The following FAM204A variants were observed in gnomAD, a reference collection of about 807,000 sequenced individuals.
FAM204A encodes family with sequence similarity 204 member A.
A neutral mutation model predicts 35.4 loss-of-function variants in FAM204A; 16 were observed. The ratio of observed to expected loss-of-function variants is 0.45; its 90% CI spans 0.31 to 0.69. The LOEUF (loss-of-function observed/expected upper bound fraction) is 0.69, where lower values mean the gene tolerates loss of function less well. Among genes scored for constraint, FAM204A ranks in the 30% least tolerant of loss-of-function variants. The pLI is 0.07. For missense variants in FAM204A, 240 were observed against 265.7 expected (o/e 0.90, Z 0.67); for synonymous variants, 76 against 86.9 (o/e 0.88, Z 0.70).
rs78240944 is a variant in FAM204A, at chr10:118,333,132, T to C, written c.453+1982A>G. Among the ~76,000 whole-genome samples the C allele has an allele frequency of 9.5e-3, 1,445 of 152,282 alleles. 20 individuals carry two copies. The highest frequency in any genetic ancestry group is 0.033 in the African/African-American group (1,380 of 41,556). Reference sequence around the variant, plus strand: ...ACAGCAGTGCTGTAAACAGACATTCTTGGTTGAGCAAGTTTCAGCTTGGCA... The same window carrying C: ...ACAGCAGTGCTGTAAACAGACATTCCTGGTTGAGCAAGTTTCAGCTTGGCA... On this transcript the variant is annotated intron_variant, in intron 6 of 8. Transcript: ENST00000369183.
rs890340524 is a variant in FAM204A at position 118,305,827 on chromosome 10, G to C, written c.*5030C>G. ...TATGTAGGGAGAAATTCAAAGAAAC[G>C]CAAAGCTTCATTGTTTCACTATTCC... On this transcript the variant is annotated 3_prime_UTR_variant, in exon 9 of 9. Coordinates refer to ENST00000369183, the MANE Select transcript of FAM204A (RefSeq NM_022063.3). The C allele has an allele frequency of 6.6e-6, 1 of 152,254 alleles. No homozygotes were observed. Among genetic ancestry groups the C allele is most frequent in the South Asian group, 2.1e-4 (1 of 4,824 alleles). The allele number at this position is 152,254 out of a possible 1,614,324, so 9.4% of individuals were successfully genotyped here.
At chr10:118,340,050 T>C (rs1185350238) in intron 2 of FAM204A, among the ~76,000 whole-genome samples, 1 of 152,212 alleles carries the variant, frequency 6.6e-6, no homozygotes, top group Non-Finnish European at 1.5e-5. Context: ...CAGGAGTCTC[T>C]AAGCTAATTT....
rs1845829376 is a variant in FAM204A at position 118,303,366 on chromosome 10, C to T, written c.*7491G>A. 6.6e-6 allele frequency: 1 copy of T among 152,178 alleles called. No individual in the cohort carries two copies. Among genetic ancestry groups the T allele is most frequent in the Non-Finnish European group, 1.5e-5 (1 of 68,038 alleles). 9.4% of individuals were successfully genotyped at this position (152,178 alleles called of 1,614,324 possible). ...AATTTACAGAACAATAACAGTACTT[C>T]TAAGGCTTATATTCTCAGTCATGAT... is the stretch of plus-strand genomic sequence containing the variant. On this transcript the variant is annotated 3_prime_UTR_variant, in exon 9 of 9. Coordinates refer to ENST00000369183, the MANE Select transcript of FAM204A (RefSeq NM_022063.3).
At chr10:118,319,151 A>G (rs1195477635) in intron 7 of FAM204A, among the ~76,000 whole-genome samples, 1 of 152,034 alleles carries the variant, frequency 6.6e-6, no homozygotes, top group East Asian at 1.9e-4. Flanking sequence ...TACTTCTCAG[A>G]TGTTAATATA....
chr10:118,328,130 T>C (rs1846228013), intron 6 of FAM204A, among the ~76,000 whole-genome samples: 4 of 152,196 alleles, frequency 2.6e-5, no homozygotes, highest in Admixed American at 6.5e-5. Flanking sequence ...TGTCATGTTA[T>C]AGACATTGCC....
At position 118,335,534 on chromosome 10, in the gene FAM204A, C is replaced by T. The variant is rs752347447; in HGVS notation, c.322+20G>A. 7.5e-6 allele frequency: 12 copies of T among 1,607,558 alleles called. No homozygotes were observed. Among genetic ancestry groups the T allele is most frequent in the Middle Eastern group, 1.6e-4 (1 of 6,068 alleles). On this transcript the variant is annotated intron_variant, in intron 4 of 8. Coordinates refer to ENST00000369183, the MANE Select transcript of FAM204A (RefSeq NM_022063.3). Reference sequence around the variant, plus strand: ...AACTTAGCATTAGCACGACGAACAACCTGAGTTAAAACAAAACACCTTTTC... The same window carrying T: ...AACTTAGCATTAGCACGACGAACAATCTGAGTTAAAACAAAACACCTTTTC...
chr10:118,319,788 C>T (rs1002368324), intron 7 of FAM204A, among the ~76,000 whole-genome samples: 1 of 151,860 alleles, frequency 6.6e-6, no homozygotes, highest in African/African-American at 2.4e-5. Context: ...TGCAAATCAT[C>T]AAAAACCAAT....
In FAM204A at chr10:118,310,696, C is replaced by A; in HGVS notation, c.*161G>T. ...TTTATTCACTTCAATAGGACAAAGT[C>A]CTTAAAGAAAGACTGAAAAGAGCTG... On this transcript the variant is annotated 3_prime_UTR_variant, in exon 9 of 9. Coordinates refer to ENST00000369183, the MANE Select transcript of FAM204A (RefSeq NM_022063.3). 1.6e-6 allele frequency: 1 copy of A among 633,196 alleles called. No homozygotes were observed. The highest frequency in any genetic ancestry group is 2.7e-6 in the Non-Finnish European group (1 of 363,848). The allele number at this position is 633,196 out of a possible 1,614,324, so 39.2% of individuals were successfully genotyped here. A position where few individuals can be genotyped will look rare whatever the true frequency, so the allele number is the denominator to read the frequency against.
rs1845838516 is a variant in FAM204A, at chr10:118,304,256, T to A, written c.*6601A>T. ...AGGTTGCTACATAGAAGTGTCCATT[T>A]GACATTTCCATGGCATTCCACAGGT... On this transcript the variant is annotated 3_prime_UTR_variant, in exon 9 of 9. Transcript: ENST00000369183. 6.6e-6 allele frequency: 1 copy of A among 152,216 alleles called. No individual in the cohort carries two copies. Among genetic ancestry groups the A allele is most frequent in the Non-Finnish European group, 1.5e-5 (1 of 68,038 alleles). 9.4% of individuals were successfully genotyped at this position (152,216 alleles called of 1,614,324 possible).
At position 118,335,693 on chromosome 10, in the gene FAM204A, T is replaced by C. The variant is rs564098232; in HGVS notation, c.235-52A>G. ...AGCAAATATACTTTCCAGAAAAACA[T>C]GCATTTAAAAAATAATGAAGTAATA... On this transcript the variant is annotated intron_variant, in intron 3 of 8. Coordinates refer to ENST00000369183, the MANE Select transcript of FAM204A (RefSeq NM_022063.3). 1.3e-4 allele frequency: 170 copies of C among 1,328,674 alleles called. 2 individuals carry two copies. In the South Asian group the frequency reaches 2.1e-3, roughly 17 times the overall value. 82.3% of individuals were successfully genotyped at this position (1,328,674 alleles called of 1,614,324 possible).
intron 7 of FAM204A, among the ~76,000 whole-genome samples, chr10:118,321,804 T>C (rs1369712556): frequency 6.6e-6 from 1 of 151,548 alleles, no homozygotes; most frequent in Admixed American, 6.6e-5. Flanking sequence ...GCTAGTTCTG[T>C]ATGTTTTGAC....
rs569619388 is a variant in FAM204A at position 118,301,854 on chromosome 10, G to A, written c.*9003C>T. ...ACACAGCTTGTAAGTAGCAGAGCTG[G>A]GATTCAAATCTGGCTTGCTTCATAG... is the stretch of plus-strand genomic sequence containing the variant. On this transcript the variant is annotated 3_prime_UTR_variant, in exon 9 of 9. Transcript: ENST00000369183. 27 of 152,346 alleles carry A rather than the reference G, an allele frequency of 1.8e-4. No homozygotes were observed. The highest frequency in any genetic ancestry group is 5.8e-4 in the African/African-American group (24 of 41,562). 9.4% of individuals were successfully genotyped at this position (152,346 alleles called of 1,614,324 possible).
In FAM204A at chr10:118,311,277, T is replaced by C; in HGVS notation, c.580A>G (p.Asn194Asp). 1 of 1,609,740 alleles carries C rather than the reference T, an allele frequency of 6.2e-7. No individual in the cohort carries two copies. Among genetic ancestry groups the C allele is most frequent in the Non-Finnish European group, 8.5e-7 (1 of 1,179,166 alleles). The part of the protein sequence containing the change: ...VKIAKAVACH[N>D]FVKAKKEVEN... ...ACCTCCTTTTTGGCTTTTACAAAGTTGTGGCAGGCAACTGCTTTGGCAATT... is the reference window on the plus strand; with the variant it reads ...ACCTCCTTTTTGGCTTTTACAAAGTCGTGGCAGGCAACTGCTTTGGCAATT... The change falls in exon 8 of 9, where the codon AAC (asparagine) becomes GAC (aspartate). Residue 194 changes from asparagine to aspartate, a missense_variant. By Grantham distance (23) the Asn-to-Asp change is conservative. Coordinates refer to ENST00000369183, the MANE Select transcript of FAM204A (RefSeq NM_022063.3).
Position 118,299,952 on chromosome 10 carries a change from A to C in FAM204A, c.*10905T>G, listed in dbSNP as rs1446948609. ...TTGCTTTAATCCTTTGCTATCCCTA[A>C]ATCACAAGTAGATTGGAAGTGGGTC... is the stretch of plus-strand genomic sequence containing the variant. On this transcript the variant is annotated 3_prime_UTR_variant, in exon 9 of 9. Transcript: ENST00000369183. 4.6e-5 allele frequency: 7 copies of C among 152,198 alleles called. No homozygotes were observed. Among genetic ancestry groups the C allele is most frequent in the Non-Finnish European group, 8.8e-5 (6 of 68,024 alleles). The allele number at this position is 152,198 out of a possible 1,614,324, so 9.4% of individuals were successfully genotyped here.
At position 118,306,180 on chromosome 10, in the gene FAM204A, T is replaced by C. The variant is rs1337099668; in HGVS notation, c.*4677A>G. On this transcript the variant is annotated 3_prime_UTR_variant, in exon 9 of 9. Transcript: ENST00000369183. The stretch of plus-strand genomic sequence containing the variant: ...ATTACCTCATTCCATACCTGTCACA[T>C]AGCAGGCCCCCTGCAGCTATTCAGC... The C allele has an allele frequency of 3.3e-5, 5 of 152,290 alleles. No homozygotes were observed. Among genetic ancestry groups the C allele is most frequent in the African/African-American group, 1.2e-4 (5 of 41,468 alleles). The allele number at this position is 152,290 out of a possible 1,614,324, so 9.4% of individuals were successfully genotyped here. A position where few individuals can be genotyped will look rare whatever the true frequency, so the allele number is the denominator to read the frequency against.
At chr10:118,311,664 G>A (rs1370144478) in intron 7 of FAM204A, among the ~76,000 whole-genome samples, 1 of 152,196 alleles carries the variant, frequency 6.6e-6, no homozygotes, top group African/African-American at 2.4e-5. Context: ...GACACTGACA[G>A]AGACATCAAG....
chr10:118,336,503 C>T, intron 2 of FAM204A, 80 bp from the exon 3 acceptor site: 1 of 1,284,174 alleles, frequency 7.8e-7, no homozygotes, highest in Non-Finnish European at 1.0e-6. Flanking sequence ...ATTCCAGGTG[C>T]CTAATAATTA....
Position 118,308,846 on chromosome 10 carries a change from T to A in FAM204A, c.*2011A>T, listed in dbSNP as rs900771438. On this transcript the variant is annotated 3_prime_UTR_variant, in exon 9 of 9. Coordinates refer to ENST00000369183, the MANE Select transcript of FAM204A (RefSeq NM_022063.3). ...TTCAGTATGGGAAGTGCAACATGCC[T>A]GCAGGGGTCACTAAATGCTCTAAGG... 6.7e-6 allele frequency: 1 copy of A among 149,346 alleles called. No homozygotes were observed. The highest frequency in any genetic ancestry group is 1.5e-5 in the Non-Finnish European group (1 of 67,692). 9.3% of individuals were successfully genotyped at this position (149,346 alleles called of 1,614,324 possible). A position where few individuals can be genotyped will look rare whatever the true frequency, so the allele number is the denominator to read the frequency against.
chr10:118,337,245 C>A, intron 2 of FAM204A: 1 of 985,004 alleles, frequency 1.0e-6, no homozygotes, highest in Non-Finnish European at 1.2e-6. Flanking sequence ...ATCTTCATGG[C>A]ACAGTCTATT....
Sources: allele counts gnomAD v4.1 joint callset (sites outside exome capture counted in the v4.1 genomes callset), GRCh38; gene constraint gnomAD v4.1.1; transcripts MANE v1.5; gene names NCBI Gene and HGNC (gene_info 2026-07-23, HGNC 2026-07-21).